AXDND1: variants seen among roughly 807,000 people sequenced by gnomAD.
The protein encoded by AXDND1 is axonemal dynein light chain domain containing 1.
In AXDND1, 110 loss-of-function variants were observed where a neutral mutation model predicts 137.5. The ratio of observed to expected loss-of-function variants is 0.80; its 90% CI spans 0.69 to 0.94. The LOEUF (loss-of-function observed/expected upper bound fraction) is 0.94, where lower values mean the gene tolerates loss of function less well. Ranked by LOEUF, AXDND1 falls within the 40% of genes least tolerant of loss-of-function variation. The pLI, the probability that AXDND1 is intolerant of heterozygous loss-of-function variation, is 0.00. For missense variants in AXDND1, 1,191 were observed against 1,169.8 expected, an observed-to-expected ratio of 1.02 and a Z score of -0.26; for synonymous variants, 414 against 399.7, an observed-to-expected ratio of 1.04 and a Z score of -0.43.
At position 179,385,277 on chromosome 1, in the gene AXDND1, A is replaced by C; in HGVS notation, c.781A>C (p.Ile261Leu). 6.2e-7 allele frequency: 1 copy of C among 1,612,134 alleles called. No homozygotes were observed. The highest frequency in any genetic ancestry group is 8.5e-7 in the Non-Finnish European group (1 of 1,178,210). Residue 261 changes from isoleucine (I) to leucine (L), a missense_variant, in exon 9 of 26, where the codon ATT (isoleucine) becomes CTT (leucine). Transcript: ENST00000367618. Reference protein sequence around the residue: ...LLHILKKEQTIYNMIFHELIR... With the variant: ...LLHILKKEQTLYNMIFHELIR... ...ACATATATTGAAGAAGGAACAGACC[A>C]TTTACAACATGATATTTCATGAACT... is the stretch of plus-strand genomic sequence containing the variant.
intron 20 of AXDND1, among the ~76,000 whole-genome samples, chr1:179,508,206 C>T (rs935270879): frequency 4.3e-4 from 65 of 152,066 alleles, no homozygotes; most frequent in African/African-American, 1.4e-3. Flanking sequence ...TATGGTGGTG[C>T]ACACCTGTGG....
At chr1:179,449,207 G>A (rs762556335) in intron 16 of AXDND1, 5 of 439,034 alleles carry the variant, frequency 1.1e-5, no homozygotes, top group Non-Finnish European at 2.3e-5. Flanking sequence ...TTTATATAGT[G>A]TGTGAGGTAA....
chr1:179,419,490 T>G (rs1417628335), intron 12 of AXDND1, among the ~76,000 whole-genome samples: 1 of 148,898 alleles, frequency 6.7e-6, no homozygotes, highest in Non-Finnish European at 1.5e-5. Context: ...GGCGTGCGCC[T>G]GCAATCGCAG....
chr1:179,519,332 G>A (rs1365093973), intron 21 of AXDND1, among the ~76,000 whole-genome samples: 1 of 152,086 alleles, frequency 6.6e-6, no homozygotes, highest in Non-Finnish European at 1.5e-5. Context: ...CATTCTGTAG[G>A]TTGTCTGTTT....
intron 18 of AXDND1, among the ~76,000 whole-genome samples, chr1:179,490,909 T>A (rs576146220): frequency 6.6e-6 from 1 of 152,364 alleles, no homozygotes; most frequent in South Asian, 2.1e-4. Flanking sequence ...ATATTACTGT[T>A]ATTTCCCTCA....
intron 18 of AXDND1, among the ~76,000 whole-genome samples, chr1:179,489,347 A>C (rs1335576999): frequency 6.6e-6 from 1 of 152,188 alleles, no homozygotes; most frequent in Non-Finnish European, 1.5e-5. Flanking sequence ...AATCTCTCTA[A>C]TATAACTTTT....
intron 17 of AXDND1, among the ~76,000 whole-genome samples, chr1:179,481,141 A>G (rs965918513): frequency 6.6e-6 from 1 of 151,032 alleles, no homozygotes; most frequent in African/African-American, 2.4e-5. Flanking sequence ...CACTTTCCCC[A>G]CCCCACAACA....
At chr1:179,456,589 C>T (rs1454861536) in intron 16 of AXDND1, 20 of 783,188 alleles carry the variant, frequency 2.6e-5, no homozygotes, top group Non-Finnish European at 4.3e-5. Flanking sequence ...CCATAACCAC[C>T]ATCATTACCA....
chr1:179,523,835 A>G (rs1227866395), intron 21 of AXDND1, among the ~76,000 whole-genome samples: 1 of 152,066 alleles, frequency 6.6e-6, no homozygotes, highest in African/African-American at 2.4e-5. Context: ...ACTGTACCCA[A>G]TGTGTAGTCT....
chr1:179,537,650 TTC>T (rs1671685911), intron 25 of AXDND1, among the ~76,000 whole-genome samples: 1 of 152,206 alleles, frequency 6.6e-6, no homozygotes, highest in Non-Finnish European at 1.5e-5. Context: ...TGGTCAAAAA[TTC>T]TCTTTTTTTA....
At chr1:179,367,365 T>C (rs745444800) in intron 2 of AXDND1, among the ~76,000 whole-genome samples, 4 of 150,988 alleles carry the variant, frequency 2.6e-5, no homozygotes, top group Non-Finnish European at 5.9e-5. Context: ...AATACAAAAA[T>C]TAGGGGGGGC....
At chr1:179,524,580 T>A (rs571036098) in intron 21 of AXDND1, among the ~76,000 whole-genome samples, 1 of 152,186 alleles carries the variant, frequency 6.6e-6, no homozygotes, top group African/African-American at 2.4e-5. Flanking sequence ...GGCATTGTCA[T>A]CTCTCTAGTG....
At chr1:179,441,133 G>A (rs1024562922) in intron 15 of AXDND1, among the ~76,000 whole-genome samples, 1 of 152,132 alleles carries the variant, frequency 6.6e-6, no homozygotes, top group African/African-American at 2.4e-5. Context: ...CCAAGTCCAG[G>A]CCCTTGTCTC....
intron 25 of AXDND1, among the ~76,000 whole-genome samples, chr1:179,539,285 C>T (rs556167363): frequency 1.5e-4 from 23 of 152,252 alleles, no homozygotes; most frequent in Middle Eastern, 3.4e-3. Context: ...TTCATAGTGT[C>T]GATGGTCTTT....
chr1:179,486,139 A>AAAAAAAAAAAAAAAAAAAGAAAAACG (rs149119239), intron 18 of AXDND1, among the ~76,000 whole-genome samples: 1 of 87,770 alleles, frequency 1.1e-5, no homozygotes, highest in African/African-American at 3.7e-5. Context: ...AAAAAAAAAA[A>AAAAAAAAAAAAAAAAAAAGAAAAACG]AACCTGATAG....
In AXDND1 at chr1:179,411,306, G is replaced by A. The variant is rs370111456; in HGVS notation, c.1230+40G>A. 4.4e-6 allele frequency: 7 copies of A among 1,595,310 alleles called. No individual in the cohort carries two copies. The African/African-American group carries it at 9.5e-5, about 22-fold the overall frequency. On this transcript the variant is annotated intron_variant, in intron 12 of 25. Transcript: ENST00000367618. The stretch of plus-strand genomic sequence containing the variant: ...ATTCACAACTCACACTTCTTTTTTG[G>A]CTAAAGATTCATTCTACAGTTTTAA...
chr1:179,513,727 A>G (rs898833744), intron 21 of AXDND1, among the ~76,000 whole-genome samples: 2 of 151,916 alleles, frequency 1.3e-5, no homozygotes, highest in African/African-American at 2.4e-5. Flanking sequence ...TTTAATTACC[A>G]TTTAAATCTT....
intron 12 of AXDND1, among the ~76,000 whole-genome samples, chr1:179,429,160 G>GAGC (rs1039374049): frequency 6.8e-6 from 1 of 147,790 alleles, no homozygotes; most frequent in African/African-American, 2.5e-5. Flanking sequence ...CTGGGTGACA[G>GAGC]AGCAAGACAC....
intron 6 of AXDND1, among the ~76,000 whole-genome samples, chr1:179,379,840 A>G (rs1018921714): frequency 2.9e-4 from 44 of 151,202 alleles, no homozygotes; most frequent in African/African-American, 1.1e-3. Context: ...GACAAGTTGA[A>G]CTGTTTCCTC....
Sources: gnomAD v4.1 joint callset for allele counts (sites outside exome capture counted in the v4.1 genomes callset) on GRCh38, gnomAD v4.1.1 for gene constraint, MANE v1.5 for transcripts, NCBI Gene and HGNC (gene_info 2026-07-23, HGNC 2026-07-21) for gene names.